Variants in SORBS2 observed in about 807,000 individuals in gnomAD.
The protein encoded by SORBS2 is sorbin and SH3 domain containing 2.
SORBS2 carries 46 observed loss-of-function variants against 97.7 expected under a neutral mutation model. The observed-to-expected ratio is 0.47, with a 90% CI of 0.37 to 0.60. The LOEUF (loss-of-function observed/expected upper bound fraction) is 0.60, where lower values mean the gene tolerates loss of function less well. Among genes scored for constraint, SORBS2 ranks in the 20% least tolerant of loss-of-function variants. SORBS2 has a pLI of 0.00. For synonymous variants in SORBS2, 476 were observed against 473.4 expected (o/e 1.01, Z -0.07); for missense variants, 1,316 against 1,282.3 (o/e 1.03, Z -0.40).
At chr4:185,942,339 T>C (rs1192156161) in intron 1 of SORBS2, among the ~76,000 whole-genome samples, 1 of 144,374 alleles carries the variant, frequency 6.9e-6, no homozygotes, top group Non-Finnish European at 1.5e-5. Context: ...TGACTACATT[T>C]CCCTAGGTTT....
At chr4:185,950,974 A>G (rs1300940247) in intron 1 of SORBS2, among the ~76,000 whole-genome samples, 1 of 152,178 alleles carries the variant, frequency 6.6e-6, no homozygotes, top group African/African-American at 2.4e-5. Context: ...ATACCGATAG[A>G]GTTTAAAGCA....
chr4:185,739,486 C>T (rs2098709142), intron 2 of SORBS2, among the ~76,000 whole-genome samples: 1 of 152,110 alleles, frequency 6.6e-6, no homozygotes, highest in Non-Finnish European at 1.5e-5. Flanking sequence ...AGTAAATCTA[C>T]TATAAGCGAA....
intron 1 of SORBS2, among the ~76,000 whole-genome samples, chr4:185,841,097 G>A (rs370076074): frequency 2.0e-5 from 3 of 152,208 alleles, no homozygotes; most frequent in Non-Finnish European, 4.4e-5. Flanking sequence ...TGTGGCGTGC[G>A]GCATTGCGGA....
At chr4:185,896,944 T>C (rs947824047) in intron 1 of SORBS2, among the ~76,000 whole-genome samples, 9 of 150,368 alleles carry the variant, frequency 6.0e-5, no homozygotes, top group Admixed American at 1.3e-4. Context: ...ACAAAGCACG[T>C]CAGTGATTGG....
At chr4:185,644,027 G>C (rs868850940) in intron 4 of SORBS2, among the ~76,000 whole-genome samples, 2 of 152,016 alleles carry the variant, frequency 1.3e-5, no homozygotes, top group African/African-American at 4.8e-5. Context: ...AATTTATAGA[G>C]GCAATTGAAA....
intron 1 of SORBS2, among the ~76,000 whole-genome samples, chr4:185,840,115 C>T (rs1412661234): frequency 1.3e-5 from 2 of 152,184 alleles, no homozygotes; most frequent in Non-Finnish European, 2.9e-5. Flanking sequence ...CCTGGGAGGA[C>T]TGGCAGAGGT....
intron 3 of SORBS2, among the ~76,000 whole-genome samples, chr4:185,649,069 A>G (rs1402636044): frequency 1.3e-5 from 2 of 152,248 alleles, no homozygotes; most frequent in South Asian, 4.1e-4. Context: ...CCTCATTATG[A>G]TTTTTGAATA....
At chr4:185,751,865 C>G (rs1472131833) in intron 2 of SORBS2, among the ~76,000 whole-genome samples, 1 of 152,026 alleles carries the variant, frequency 6.6e-6, no homozygotes, top group African/African-American at 2.4e-5. Context: ...CATTAAGGTG[C>G]GATTTAAAAA....
chr4:185,597,219 C>G (rs1196322723), intron 12 of SORBS2, among the ~76,000 whole-genome samples: 4 of 152,176 alleles, frequency 2.6e-5, no homozygotes, highest in African/African-American at 9.7e-5. Flanking sequence ...CACCATATAA[C>G]CTTGGGGATG....
upstream of SORBS2, among the ~76,000 whole-genome samples, chr4:185,657,897 T>A (rs1365322929): frequency 1.3e-5 from 2 of 152,170 alleles, no homozygotes; most frequent in Non-Finnish European, 2.9e-5. Flanking sequence ...TCTCTTCTTA[T>A]CCTTCCAGTA....
At chr4:185,860,605 G>T (rs2099223164) in intron 1 of SORBS2, among the ~76,000 whole-genome samples, 1 of 152,144 alleles carries the variant, frequency 6.6e-6, no homozygotes. Context: ...AGCCTCAGGG[G>T]GTCCTGAGGA....
intron 1 of SORBS2, among the ~76,000 whole-genome samples, chr4:185,818,987 G>A (rs2099195062): frequency 6.6e-6 from 1 of 152,196 alleles, no homozygotes; most frequent in South Asian, 2.1e-4. Flanking sequence ...CTCTTGGCAT[G>A]TGGACTCTTT....
At chr4:185,919,044 G>C (rs887771183) in intron 1 of SORBS2, among the ~76,000 whole-genome samples, 7 of 152,192 alleles carry the variant, frequency 4.6e-5, no homozygotes, top group Admixed American at 4.6e-4. Flanking sequence ...AGGCATCAGT[G>C]TAGTATTTGC....
intron 1 of SORBS2, among the ~76,000 whole-genome samples, chr4:185,884,994 T>G (rs1245624004): frequency 6.6e-6 from 1 of 152,128 alleles, no homozygotes; most frequent in Non-Finnish European, 1.5e-5. Context: ...CTGTTCTCAA[T>G]GTACGCAGCG....
At chr4:185,726,720 C>T (rs532319103) in intron 2 of SORBS2, among the ~76,000 whole-genome samples, 7 of 151,606 alleles carry the variant, frequency 4.6e-5, no homozygotes, top group Admixed American at 6.6e-5. Context: ...TTTTCTTACA[C>T]GGTTTGTTCT....
chr4:185,883,221 A>G (rs2099237732), intron 1 of SORBS2, among the ~76,000 whole-genome samples: 1 of 152,214 alleles, frequency 6.6e-6, no homozygotes, highest in Admixed American at 6.5e-5. Context: ...AACTCAATTC[A>G]ATTTTTAAAA....
intron 1 of SORBS2, among the ~76,000 whole-genome samples, chr4:185,802,275 G>A (rs976378903): frequency 6.6e-6 from 1 of 152,132 alleles, no homozygotes. Flanking sequence ...AGTAACTAGC[G>A]TTCCTGTCTT....
exon 3 of SORBS2, chr4:185,649,502 C>T (rs147526692): frequency 2.3e-5 from 36 of 1,591,774 alleles, no homozygotes; most frequent in African/African-American, 8.2e-5. Flanking sequence ...GTCGAAGCGG[C>T]GGGACTGGAG....
chr4:185,670,010 G>A (rs2097686223), intron 4 of SORBS2, among the ~76,000 whole-genome samples: 1 of 152,124 alleles, frequency 6.6e-6, no homozygotes, highest in South Asian at 2.1e-4. Context: ...CCTGAGGTCA[G>A]GAGTTCTAGA....
Sources: gnomAD v4.1 joint callset for allele counts (sites outside exome capture counted in the v4.1 genomes callset) on GRCh38, gnomAD v4.1.1 for gene constraint, MANE v1.5 for transcripts, NCBI Gene and HGNC (gene_info 2026-07-23, HGNC 2026-07-21) for gene names.